The following NEURL1 variants were observed in gnomAD, a reference collection of about 807,000 sequenced individuals.
The protein encoded by NEURL1 is neuralized E3 ubiquitin protein ligase 1.
A neutral mutation model predicts 41.2 loss-of-function variants in NEURL1; 26 were observed. The observed-to-expected ratio is 0.63, with a 90% CI of 0.46 to 0.87. NEURL1 has a LOEUF of 0.87. NEURL1 is among the 40% of genes least tolerant of loss of function. The pLI, the probability that NEURL1 is intolerant of heterozygous loss-of-function variation, is 0.00. For synonymous variants in NEURL1, 400 were observed against 402.3 expected (o/e 0.99, Z 0.07); for missense variants, 761 against 871.1 (o/e 0.87, Z 1.59).
chr10:103,554,492 A>G (rs2035103559), intron 1 of NEURL1, among the ~76,000 whole-genome samples: 1 of 152,068 alleles, frequency 6.6e-6, no homozygotes, highest in Admixed American at 6.5e-5. Context: ...GCATGGTTAA[A>G]GGGATAGGTT....
At chr10:103,547,105 G>A (rs1564817140) in intron 1 of NEURL1, among the ~76,000 whole-genome samples, 1 of 152,230 alleles carries the variant, frequency 6.6e-6, no homozygotes, top group Non-Finnish European at 1.5e-5. Context: ...CCCAGTAGCC[G>A]TAGGAGCTAG....
chr10:103,587,054 AAGAAAGAGAGAGAG>A (rs1403630308), intron 4 of NEURL1, among the ~76,000 whole-genome samples: 2 of 149,344 alleles, frequency 1.3e-5, no homozygotes. Flanking sequence ...ATCTCAAGAA[AAGAAAGAGAGAGAG>A]AGAAAGAAAG....
chr10:103,559,948 ACG>A (rs1332728398), intron 1 of NEURL1, among the ~76,000 whole-genome samples: 11 of 152,046 alleles, frequency 7.2e-5, no homozygotes, highest in South Asian at 2.1e-4. Context: ...ATGCACACAC[ACG>A]TACATGCACG....
chr10:103,501,170 G>A (rs898250251), intron 1 of NEURL1, among the ~76,000 whole-genome samples: 18 of 152,210 alleles, frequency 1.2e-4, no homozygotes. Context: ...ATCTTGGAGG[G>A]CCTATGATAT....
chr10:103,588,305 C>CA (rs10678308), intron 4 of NEURL1, among the ~76,000 whole-genome samples: 41,007 of 115,556 alleles, frequency 0.35, 6,510 homozygotes, highest in East Asian at 0.49. Context: ...GACTCCGTCT[C>CA]AAAAAAAAAA....
intron 1 of NEURL1, among the ~76,000 whole-genome samples, chr10:103,498,516 G>A (rs371881032): frequency 3.7e-4 from 56 of 152,312 alleles, no homozygotes; most frequent in East Asian, 1.2e-3. Flanking sequence ...GTGAGCCACC[G>A]CGCCAGGCCC....
intron 1 of NEURL1, among the ~76,000 whole-genome samples, chr10:103,516,874 C>T (rs2034221623): frequency 6.6e-6 from 1 of 151,056 alleles, no homozygotes; most frequent in Non-Finnish European, 1.5e-5. Flanking sequence ...TTCCTTCCTC[C>T]CTCCCTCCCT....
At chr10:103,528,536 A>G (rs1216328753) in intron 1 of NEURL1, among the ~76,000 whole-genome samples, 3 of 139,096 alleles carry the variant, frequency 2.2e-5, no homozygotes, top group Admixed American at 1.5e-4. Flanking sequence ...CTCCGTCTCA[A>G]AAAAAAAAAA....
chr10:103,564,184 G>T (rs2035368313), intron 1 of NEURL1, among the ~76,000 whole-genome samples: 1 of 152,208 alleles, frequency 6.6e-6, no homozygotes, highest in Non-Finnish European at 1.5e-5. Flanking sequence ...CCAGCTGAGG[G>T]TCACCCGGAG....
At chr10:103,526,552 C>T (rs1038360190) in intron 1 of NEURL1, among the ~76,000 whole-genome samples, 15 of 152,072 alleles carry the variant, frequency 9.9e-5, no homozygotes, top group Admixed American at 3.3e-4. Flanking sequence ...CACTCTGTCA[C>T]TCAGGCTGGA....
rs1442379554 is a variant in NEURL1 at position 103,566,460 on chromosome 10, G to A, written c.86-4412G>A. On this transcript the variant is annotated intron_variant, in intron 1 of 5. Coordinates refer to ENST00000369780, the MANE Select transcript of NEURL1 (RefSeq NM_004210.5). This position sits in a 1 kb window ranked among gnomAD's most constrained non-coding sequence, Gnocchi z 4.2. ...AATATCATACGGATGGAATCGTACA[G>A]CATACAGCCCTTTGCATCTGGCTTC... 6.6e-6 allele frequency among the ~76,000 whole-genome samples: 1 copy of A among 152,128 alleles called. No individual in the cohort carries two copies. The highest frequency in any genetic ancestry group is 2.4e-5 in the African/African-American group (1 of 41,418).
chr10:103,590,181 C>T lies in NEURL1; in HGVS notation c.1534C>T (p.Pro512Ser), dbSNP rs2036009124. ...PVSLPESPVT[P>S]GLGQWSDECT... ...GAGCCTGCCCGAGTCGCCAGTGACC[C>T]CAGGTCTGGGCCAGTGGAGCGATGA... The change falls in exon 6 of 6, where the codon CCA (proline) becomes TCA (serine). Residue 512 changes from proline (P) to serine (S), a missense_variant. By Grantham distance (74) the Pro-to-Ser change is moderately conservative. This residue lies in a region of NEURL1 where 443 missense variants were observed against 408.1 expected (regional missense o/e 1.09). Transcript: ENST00000369780. 1 of 1,614,184 alleles carries T rather than the reference C, an allele frequency of 6.2e-7. No individual in the cohort carries two copies. Among genetic ancestry groups the T allele is most frequent in the East Asian group, 2.2e-5 (1 of 44,870 alleles).
intron 1 of NEURL1, among the ~76,000 whole-genome samples, chr10:103,515,190 C>G (rs951376161): frequency 7.0e-6 from 1 of 142,432 alleles, no homozygotes; most frequent in Non-Finnish European, 1.5e-5. Flanking sequence ...ATCACGCCGC[C>G]GTACTCCAGT....
intron 1 of NEURL1, chr10:103,555,273 G>T (rs2035124167): frequency 6.3e-6 from 7 of 1,118,788 alleles, no homozygotes; most frequent in Non-Finnish European, 6.7e-6. Context: ...GCCGGTCTCC[G>T]CCCGCGGGGG....
intron 1 of NEURL1, among the ~76,000 whole-genome samples, chr10:103,538,651 CTT>C (rs200837090): frequency 1.1e-4 from 15 of 142,754 alleles, no homozygotes; most frequent in East Asian, 2.0e-4. Context: ...TTCTTTCTTC[CTT>C]TTTTTTTTTT....
intron 1 of NEURL1, among the ~76,000 whole-genome samples, chr10:103,507,855 A>G (rs1016565102): frequency 6.6e-6 from 1 of 152,184 alleles, no homozygotes; most frequent in Non-Finnish European, 1.5e-5. Context: ...TGCCCCAGCC[A>G]GGCTCTCTCA....
intron 1 of NEURL1, among the ~76,000 whole-genome samples, chr10:103,533,914 ACC>A (rs2034636763): frequency 6.7e-6 from 1 of 148,590 alleles, no homozygotes; most frequent in Non-Finnish European, 1.5e-5. Context: ...CTGGTGATCC[ACC>A]CGCCTTGGCC....
chr10:103,527,442 G>C (rs893039830), intron 1 of NEURL1, among the ~76,000 whole-genome samples: 1 of 151,904 alleles, frequency 6.6e-6, no homozygotes. Context: ...TTACAGGCAT[G>C]CACAACCATG....
chr10:103,584,387 A>T, intron 3 of NEURL1, 149 bp from the exon 4 acceptor site: 204 of 398,520 alleles, frequency 5.1e-4, no homozygotes, highest in Non-Finnish European at 5.4e-4. Context: ...TCGTTTCTTG[A>T]CTGTGTTCGC....
Sources: gnomAD v4.1 joint callset for allele counts (sites outside exome capture counted in the v4.1 genomes callset) on GRCh38, gnomAD v4.1.1 for gene constraint, gnomAD v4.1.1 regional missense constraint, Gnocchi (gnomAD v3.1) non-coding constraint, MANE v1.5 for transcripts, NCBI Gene and HGNC (gene_info 2026-07-23, HGNC 2026-07-21) for gene names.